EPHA6: variants seen among roughly 807,000 people sequenced by gnomAD.
EPHA6 encodes EPH receptor A6.
Under a neutral mutation model 112.0 loss-of-function variants are expected in EPHA6, and 50 were observed. The ratio of observed to expected loss-of-function variants is 0.45; its 90% CI spans 0.36 to 0.56. The LOEUF (loss-of-function observed/expected upper bound fraction) is 0.56. EPHA6 is among the 20% of genes least tolerant of loss of function. The probability of loss-of-function intolerance (pLI) is 0.00; values close to 1 mark genes in which losing one functional copy is unlikely to be tolerated. For synonymous variants in EPHA6, 529 were observed against 490.7 expected (o/e 1.08, Z -1.03); for missense variants, 1,280 against 1,417.4 (o/e 0.90, Z 1.56).
chr3:97,648,953 G>A (rs2094087817), intron 14 of EPHA6, among the ~76,000 whole-genome samples: 1 of 151,856 alleles, frequency 6.6e-6, no homozygotes, highest in African/African-American at 2.4e-5. Flanking sequence ...AGTTCAACTG[G>A]GTCTAAGCCG....
chr3:97,677,968 G>A lies in EPHA6; in HGVS notation c.2784+39886G>A, dbSNP rs533640006. On this transcript the variant is annotated intron_variant, in intron 14 of 17. Coordinates refer to ENST00000389672, the MANE Select transcript of EPHA6 (RefSeq NM_001080448.3). ...AATTCGTATTAATGTTCACATTCAGGACAAGATGAAGGCAAAACCCAAAAT... is the reference window on the plus strand; with the variant it reads ...AATTCGTATTAATGTTCACATTCAGAACAAGATGAAGGCAAAACCCAAAAT... Among the ~76,000 whole-genome samples the A allele has an allele frequency of 3.9e-5, 6 of 152,164 alleles. No homozygotes were observed. The South Asian group carries it at 6.2e-4, about 16-fold the overall frequency.
intron 14 of EPHA6, among the ~76,000 whole-genome samples, chr3:97,647,837 T>C (rs2094077428): frequency 6.6e-6 from 1 of 151,118 alleles, no homozygotes; most frequent in African/African-American, 2.4e-5. Flanking sequence ...GGCAACCCAG[T>C]CTTAAACTTA....
intron 6 of EPHA6, among the ~76,000 whole-genome samples, chr3:97,436,485 C>T (rs2089843954): frequency 1.3e-5 from 2 of 152,038 alleles, no homozygotes; most frequent in South Asian, 4.2e-4. Flanking sequence ...TGTTTTTTCC[C>T]CTGTCCTAAA....
At chr3:97,542,803 G>C (rs150919213) in intron 11 of EPHA6, among the ~76,000 whole-genome samples, 2,391 of 152,248 alleles carry the variant, frequency 0.016, 51 homozygotes, top group African/African-American at 0.049. Flanking sequence ...GGTGTGAGAT[G>C]GTATCCCATT....
chr3:97,114,366 G>A (rs1264255899), intron 3 of EPHA6, among the ~76,000 whole-genome samples: 1 of 151,968 alleles, frequency 6.6e-6, no homozygotes, highest in Non-Finnish European at 1.5e-5. Flanking sequence ...CAGCAAATAT[G>A]GCTAAATTTA....
intron 5 of EPHA6, among the ~76,000 whole-genome samples, chr3:97,300,952 A>G (rs1374535892): frequency 1.3e-5 from 2 of 152,146 alleles, no homozygotes; most frequent in African/African-American, 4.8e-5. Flanking sequence ...GCTCCCTCTC[A>G]TTAAGCTGCA....
chr3:97,319,850 T>A (rs1479835320), intron 5 of EPHA6, among the ~76,000 whole-genome samples: 5 of 151,948 alleles, frequency 3.3e-5, no homozygotes, highest in Admixed American at 6.6e-5. Context: ...ATTAAAACTT[T>A]TAAATACTGA....
At chr3:97,553,268 A>G (rs929535489) in intron 11 of EPHA6, among the ~76,000 whole-genome samples, 9 of 151,828 alleles carry the variant, frequency 5.9e-5, no homozygotes, top group Non-Finnish European at 1.2e-4. Flanking sequence ...CTACAAGCCA[A>G]TCTCTCTGTT....
intron 5 of EPHA6, among the ~76,000 whole-genome samples, chr3:97,254,503 T>C (rs2079245190): frequency 6.6e-6 from 1 of 152,180 alleles, no homozygotes; most frequent in South Asian, 2.1e-4. Flanking sequence ...TATATTTAAA[T>C]TTAAACTATA....
chr3:97,404,740 G>C (rs1375895856), intron 5 of EPHA6, among the ~76,000 whole-genome samples: 2 of 152,224 alleles, frequency 1.3e-5, no homozygotes, highest in Non-Finnish European at 2.9e-5. Context: ...AGAGGAAAGG[G>C]AGAAGCCTAT....
chr3:97,477,744 C>G (rs955769748), intron 8 of EPHA6, among the ~76,000 whole-genome samples: 14 of 152,008 alleles, frequency 9.2e-5, no homozygotes, highest in Admixed American at 9.2e-4. Context: ...GCTGCCCATG[C>G]ATTTTGAACT....
chr3:97,056,566 G>A (rs190058498), intron 3 of EPHA6, among the ~76,000 whole-genome samples: 3 of 152,194 alleles, frequency 2.0e-5, no homozygotes, highest in Non-Finnish European at 4.4e-5. Context: ...ACTGTATAAC[G>A]CCAGAAGTAG....
intron 2 of EPHA6, among the ~76,000 whole-genome samples, chr3:96,953,600 G>A (rs539633745): frequency 9.2e-5 from 14 of 152,272 alleles, no homozygotes; most frequent in Admixed American, 1.3e-4. Flanking sequence ...CTTTTCTGGT[G>A]TTAAAGTTTG....
chr3:97,623,757 A>G (rs1225770520), intron 13 of EPHA6, among the ~76,000 whole-genome samples: 1 of 151,728 alleles, frequency 6.6e-6, no homozygotes, highest in East Asian at 1.9e-4. Flanking sequence ...CACATTAAGT[A>G]TTAGATTCCA....
intron 14 of EPHA6, among the ~76,000 whole-genome samples, chr3:97,690,066 T>G (rs2032550705): frequency 6.6e-6 from 1 of 152,268 alleles, no homozygotes; most frequent in Admixed American, 6.5e-5. Flanking sequence ...GTTTTTTGGC[T>G]GTTATGGATA....
intron 5 of EPHA6, among the ~76,000 whole-genome samples, chr3:97,388,491 G>A (rs2086201590): frequency 6.6e-6 from 1 of 152,088 alleles, no homozygotes; most frequent in African/African-American, 2.4e-5. Flanking sequence ...AACAAGGAAA[G>A]AGGAGAGGAT....
rs145494230 is a variant in EPHA6, at chr3:97,002,126, G to A, written c.1114+14133G>A. 5.0e-3 allele frequency among the ~76,000 whole-genome samples: 764 copies of A among 151,718 alleles called. 6 individuals are homozygous for A. Among genetic ancestry groups the A allele is most frequent in the African/African-American group, 0.017 (694 of 41,462 alleles). On this transcript the variant is annotated intron_variant, in intron 3 of 17. Coordinates refer to ENST00000389672, the MANE Select transcript of EPHA6 (RefSeq NM_001080448.3). Reference sequence around the variant, plus strand: ...TTTTTTACCGCCTCGTAATTAAGGAGCCTATATTCTTTATGTTTACAATTA... The same window carrying A: ...TTTTTTACCGCCTCGTAATTAAGGAACCTATATTCTTTATGTTTACAATTA...
chr3:97,636,750 T>A (rs60260795), intron 13 of EPHA6, among the ~76,000 whole-genome samples: 8,593 of 152,182 alleles, frequency 0.056, 802 homozygotes, highest in African/African-American at 0.19. Flanking sequence ...ATTCATAAAA[T>A]CTGCTTTAAC....
chr3:97,493,591 G>A (rs2091904220), intron 10 of EPHA6, among the ~76,000 whole-genome samples: 1 of 148,246 alleles, frequency 6.7e-6, no homozygotes, highest in Non-Finnish European at 1.5e-5. Context: ...GAGTATCAAT[G>A]TATAAATTTT....
Sources: gnomAD v4.1 joint callset for allele counts (sites outside exome capture counted in the v4.1 genomes callset) on GRCh38, gnomAD v4.1.1 for gene constraint, MANE v1.5 for transcripts, NCBI Gene and HGNC (gene_info 2026-07-23, HGNC 2026-07-21) for gene names.